UGT1A8: variants seen among roughly 807,000 people sequenced by gnomAD.
UGT1A8 encodes the protein UDP-glucuronosyltransferase 1A8.
Under a neutral mutation model 45.3 loss-of-function variants are expected in UGT1A8, and 39 were observed. The ratio of observed to expected loss-of-function variants is 0.86; its 90% CI spans 0.67 to 1.12. The LOEUF (loss-of-function observed/expected upper bound fraction) is 1.12. UGT1A8 is among the 50% of genes most tolerant of loss of function. The pLI is 0.00. For missense variants in UGT1A8, 719 were observed against 664.9 expected, an observed-to-expected ratio of 1.08 and a Z score of -0.90; for synonymous variants, 275 against 249.2, an observed-to-expected ratio of 1.10 and a Z score of -0.97.
intron 1 of UGT1A8, among the ~76,000 whole-genome samples, chr2:233,704,417 A>G (rs2075786654): frequency 1.3e-5 from 2 of 151,970 alleles, no homozygotes; most frequent in Admixed American, 6.6e-5. Context: ...ATTTATACCA[A>G]CTTAATTCCA....
Position 233,757,535 on chromosome 2 carries a change from A to AATATATATATATATATATAT in UGT1A8, c.856-9492_856-9473dup, listed in dbSNP as rs67292694. Among the ~76,000 whole-genome samples the AATATATATATATATATATAT allele has an allele frequency of 6.1e-3, 541 of 88,064 alleles. 3 individuals are homozygous for AATATATATATATATATATAT. The highest frequency in any genetic ancestry group is 0.013 in the East Asian group (47 of 3,574). The allele number at this position is 88,064 out of a possible 152,430, so 57.8% of individuals were successfully genotyped here. On this transcript the variant is annotated intron_variant, in intron 1 of 4. Coordinates refer to ENST00000373450, the MANE Select transcript of UGT1A8 (RefSeq NM_019076.5). ...CAAAGCCAAAATCTTGCCTGTAAGG[A>AATATATATATATATATATAT]ATATATATATATATATATATATATA...
intron 1 of UGT1A8, among the ~76,000 whole-genome samples, chr2:233,629,595 T>G (rs533927260): frequency 6.6e-6 from 1 of 152,102 alleles, no homozygotes; most frequent in Non-Finnish European, 1.5e-5. Context: ...TATCTTTTAA[T>G]GTCTTTTTCT....
At chr2:233,659,487 A>T (rs951860367) in intron 1 of UGT1A8, among the ~76,000 whole-genome samples, 2 of 152,192 alleles carry the variant, frequency 1.3e-5, no homozygotes, top group Non-Finnish European at 2.9e-5. Flanking sequence ...TTGAGAAAAA[A>T]TGTATTAAGT....
At chr2:233,624,535 G>A (rs1186896676) in intron 1 of UGT1A8, among the ~76,000 whole-genome samples, 1 of 152,066 alleles carries the variant, frequency 6.6e-6, no homozygotes, top group East Asian at 1.9e-4. Context: ...TCATACATCT[G>A]TGCATGTATT....
At chr2:233,746,562 C>A (rs1365442579) in intron 1 of UGT1A8, among the ~76,000 whole-genome samples, 1 of 151,750 alleles carries the variant, frequency 6.6e-6, no homozygotes. Context: ...GCCCCTAGAG[C>A]ACCACACCCT....
intron 1 of UGT1A8, among the ~76,000 whole-genome samples, chr2:233,650,978 T>C (rs558834031): frequency 6.6e-6 from 1 of 152,344 alleles, no homozygotes; most frequent in East Asian, 1.9e-4. Context: ...CACAGTTGTA[T>C]GTCTCACACA....
chr2:233,769,731 T>C lies in UGT1A8; in HGVS notation c.1295+1292T>C. ...TTGGCTAGGCACCATGGCACACGCC[T>C]GTAGTCCCAGCCACTCTGGAGGCTA... On this transcript the variant is annotated intron_variant, in intron 4 of 4. Coordinates refer to ENST00000373450, the MANE Select transcript of UGT1A8 (RefSeq NM_019076.5). The surrounding 1 kb of genome is among the most constrained non-coding windows in gnomAD (Gnocchi z 4.4). The C allele has an allele frequency of 6.8e-7, 1 of 1,467,200 alleles. No individual in the cohort carries two copies. Among genetic ancestry groups the C allele is most frequent in the Non-Finnish European group, 9.0e-7 (1 of 1,108,292 alleles). 90.9% of individuals were successfully genotyped at this position (1,467,200 alleles called of 1,614,324 possible). A position where few individuals can be genotyped will look rare whatever the true frequency, so the allele number is the denominator to read the frequency against.
intron 1 of UGT1A8, chr2:233,690,012 T>C (rs2074971337): frequency 2.3e-6 from 1 of 442,466 alleles, no homozygotes; most frequent in Non-Finnish European, 4.5e-6. Context: ...CTCACCATTT[T>C]GGACCTTCCT....
chr2:233,716,198 G>C (rs2076491281), intron 1 of UGT1A8, among the ~76,000 whole-genome samples: 1 of 152,026 alleles, frequency 6.6e-6, no homozygotes, highest in African/African-American at 2.4e-5. Context: ...TCTTACATCT[G>C]TCTCTTTCAC....
intron 1 of UGT1A8, among the ~76,000 whole-genome samples, chr2:233,761,771 C>A (rs1035405620): frequency 6.6e-6 from 1 of 152,236 alleles, no homozygotes; most frequent in East Asian, 1.9e-4. Context: ...GTAGCATTCA[C>A]ATCCTCATCG....
At chr2:233,657,720 A>G (rs960834769) in intron 1 of UGT1A8, among the ~76,000 whole-genome samples, 4 of 152,202 alleles carry the variant, frequency 2.6e-5, no homozygotes, top group African/African-American at 9.7e-5. Flanking sequence ...TGTAAATTAA[A>G]TTGCAATTTT....
At chr2:233,654,457 C>T (rs2073810370) in intron 1 of UGT1A8, among the ~76,000 whole-genome samples, 1 of 152,144 alleles carries the variant, frequency 6.6e-6, no homozygotes. Flanking sequence ...AGCAGAGCAT[C>T]ATAAAATTAA....
chr2:233,713,306 T>A, intron 1 of UGT1A8: 1 of 1,614,234 alleles, frequency 6.2e-7, no homozygotes, highest in Non-Finnish European at 8.5e-7. Flanking sequence ...AAACAGAACA[T>A]CTTCTGATGA....
At chr2:233,698,319 G>C (rs1406840673) in intron 1 of UGT1A8, among the ~76,000 whole-genome samples, 1 of 152,196 alleles carries the variant, frequency 6.6e-6, no homozygotes, top group African/African-American at 2.4e-5. Flanking sequence ...GAAATGTCTG[G>C]AACCAGATAG....
chr2:233,684,062 C>A (rs2074661866), intron 1 of UGT1A8, among the ~76,000 whole-genome samples: 1 of 152,122 alleles, frequency 6.6e-6, no homozygotes, highest in African/African-American at 2.4e-5. Flanking sequence ...GGTGTCTGAT[C>A]TAAGTATATT....
At chr2:233,743,265 C>T (rs1186542660) in intron 1 of UGT1A8, 3 of 455,180 alleles carry the variant, frequency 6.6e-6, no homozygotes, top group Admixed American at 3.0e-5. Flanking sequence ...CATCTTCCTC[C>T]ACTTCCACCC....
intron 1 of UGT1A8, among the ~76,000 whole-genome samples, chr2:233,630,270 C>A (rs927991691): frequency 6.6e-6 from 1 of 152,036 alleles, no homozygotes; most frequent in Non-Finnish European, 1.5e-5. Flanking sequence ...GGTGACTAAG[C>A]AAATGTCTAG....
At chr2:233,672,088 G>A (rs776099875) in intron 1 of UGT1A8, 2 of 1,614,126 alleles carry the variant, frequency 1.2e-6, no homozygotes, top group East Asian at 4.5e-5. Flanking sequence ...CATTCTCAGG[G>A]GGCATGAGGT....
intron 1 of UGT1A8, among the ~76,000 whole-genome samples, chr2:233,764,385 C>T (rs1299567681): frequency 6.6e-6 from 1 of 152,140 alleles, no homozygotes; most frequent in South Asian, 2.1e-4. Flanking sequence ...AGGAGTTGGC[C>T]GTGATGACAA....
Sources: allele counts gnomAD v4.1 joint callset (sites outside exome capture counted in the v4.1 genomes callset), GRCh38; gene constraint gnomAD v4.1.1; non-coding constraint Gnocchi (gnomAD v3.1); transcripts MANE v1.5; gene names NCBI Gene and HGNC (gene_info 2026-07-23, HGNC 2026-07-21).